The following RPH3A variants were observed in gnomAD, a reference collection of about 807,000 sequenced individuals.
The protein encoded by RPH3A is rabphilin-3A.
A neutral mutation model predicts 102.2 loss-of-function variants in RPH3A; 48 were observed. That is an observed-to-expected ratio of 0.47 (90% CI 0.37 to 0.60). The LOEUF (loss-of-function observed/expected upper bound fraction) is 0.60, where lower values mean the gene tolerates loss of function less well. RPH3A is among the 20% of genes least tolerant of loss of function. The probability of loss-of-function intolerance (pLI) is 0.00; values close to 1 mark genes in which losing one functional copy is unlikely to be tolerated. For missense variants in RPH3A, 781 were observed against 910.1 expected (o/e 0.86, Z 1.83); for synonymous variants, 310 against 324.3 (o/e 0.96, Z 0.47).
intron 5 of RPH3A, among the ~76,000 whole-genome samples, chr12:112,859,833 T>C (rs2042477166): frequency 2.0e-5 from 3 of 152,180 alleles, no homozygotes; most frequent in Non-Finnish European, 2.9e-5. Flanking sequence ...CCCCAGCTGA[T>C]CTAAATAGAC....
At chr12:112,873,483 C>T (rs1206915725) in intron 10 of RPH3A, among the ~76,000 whole-genome samples, 3 of 152,202 alleles carry the variant, frequency 2.0e-5, no homozygotes, top group African/African-American at 4.8e-5. Flanking sequence ...TCTCAGAGTC[C>T]TCCCTCACAC....
intron 1 of RPH3A, among the ~76,000 whole-genome samples, chr12:112,622,526 TG>T (rs1327423650): frequency 1.5e-5 from 2 of 137,618 alleles, no homozygotes; most frequent in Non-Finnish European, 3.1e-5. Context: ...TAAAAAGAAA[TG>T]AGCAAAGCCT....
chr12:112,592,367 G>A (rs1023611845), intron 1 of RPH3A, among the ~76,000 whole-genome samples: 1 of 152,176 alleles, frequency 6.6e-6, no homozygotes, highest in Non-Finnish European at 1.5e-5. Context: ...CACCCAGGCT[G>A]GAGTGCAGTG....
intron 1 of RPH3A, among the ~76,000 whole-genome samples, chr12:112,590,179 TTTC>T (rs959586985): frequency 2.0e-5 from 3 of 152,100 alleles, no homozygotes; most frequent in East Asian, 1.9e-4. Context: ...ATGACACTGA[TTTC>T]TTCTTCTATG....
At chr12:112,713,054 T>TCTTCTC (rs2040488402) in intron 1 of RPH3A, among the ~76,000 whole-genome samples, 1 of 63,428 alleles carries the variant, frequency 1.6e-5, no homozygotes, top group Non-Finnish European at 4.8e-5. Flanking sequence ...TTCTTCTCCT[T>TCTTCTC]CTTCTTCTTC....
At chr12:112,799,904 C>T (rs2041308688) in intron 2 of RPH3A, among the ~76,000 whole-genome samples, 1 of 152,094 alleles carries the variant, frequency 6.6e-6, no homozygotes, top group Non-Finnish European at 1.5e-5. Flanking sequence ...AACGAGTTCC[C>T]AGGCAGTGTT....
intron 16 of RPH3A, among the ~76,000 whole-genome samples, chr12:112,884,881 A>G (rs1271845684): frequency 1.3e-5 from 2 of 152,208 alleles, no homozygotes; most frequent in Non-Finnish European, 2.9e-5. Flanking sequence ...TTCTTATTGA[A>G]TGCTCCCCTG....
chr12:112,809,011 G>T (rs2041521062), intron 2 of RPH3A, among the ~76,000 whole-genome samples: 1 of 152,144 alleles, frequency 6.6e-6, no homozygotes, highest in African/African-American at 2.4e-5. Flanking sequence ...TGGGGTCCTT[G>T]CATTGACGTT....
At chr12:112,873,036 A>G (rs1245597429) in intron 10 of RPH3A, among the ~76,000 whole-genome samples, 1 of 152,170 alleles carries the variant, frequency 6.6e-6, no homozygotes, top group Non-Finnish European at 1.5e-5. Flanking sequence ...GTTTCCAAAT[A>G]TTTGGAGCAT....
chr12:112,882,001 G>A (rs1395629669), intron 15 of RPH3A, among the ~76,000 whole-genome samples, 155 bp downstream of exon 15: 2 of 152,204 alleles, frequency 1.3e-5, no homozygotes, highest in South Asian at 2.1e-4. Flanking sequence ...AGCAAGTAAA[G>A]TATGTTCCAG....
chr12:112,656,081 AGG>A (rs144183198), intron 1 of RPH3A, among the ~76,000 whole-genome samples: 2,041 of 152,288 alleles, frequency 0.013, 54 homozygotes, highest in African/African-American at 0.047. Context: ...TTGTGCACTT[AGG>A]GGCCATGATG....
At chr12:112,630,343 G>A (rs1266201785) in intron 1 of RPH3A, among the ~76,000 whole-genome samples, 2 of 152,216 alleles carry the variant, frequency 1.3e-5, no homozygotes, top group Non-Finnish European at 2.9e-5. Flanking sequence ...TTTATTGAGG[G>A]AGAGTTCTCA....
At chr12:112,780,907 A>C (rs2041003098) in intron 1 of RPH3A, among the ~76,000 whole-genome samples, 1 of 152,168 alleles carries the variant, frequency 6.6e-6, no homozygotes, top group Non-Finnish European at 1.5e-5. Context: ...AAATCCCAGC[A>C]CTTTGGGAGG....
chr12:112,593,040 C>T (rs1188098976), intron 1 of RPH3A, among the ~76,000 whole-genome samples: 1 of 152,120 alleles, frequency 6.6e-6, no homozygotes, highest in Non-Finnish European at 1.5e-5. Flanking sequence ...AAACTCCAGC[C>T]CCAACATTAT....
At chr12:112,580,545 C>T (rs550428090) in intron 1 of RPH3A, among the ~76,000 whole-genome samples, 4 of 151,612 alleles carry the variant, frequency 2.6e-5, no homozygotes, top group South Asian at 2.1e-4. Context: ...CTGGGACCAC[C>T]GGCGCCCGCC....
intron 17 of RPH3A, among the ~76,000 whole-genome samples, chr12:112,889,710 A>C (rs2043059950): frequency 6.6e-6 from 1 of 152,306 alleles, no homozygotes; most frequent in South Asian, 2.1e-4. Context: ...TGTGTGTGGA[A>C]TGCTCTGACA....
chr12:112,772,727 TATTTA>T (rs1290092607), intron 1 of RPH3A, among the ~76,000 whole-genome samples: 1 of 151,972 alleles, frequency 6.6e-6, no homozygotes, highest in Non-Finnish European at 1.5e-5. Context: ...ATTAATTAAT[TATTTA>T]ATTTATATAT....
intron 1 of RPH3A, among the ~76,000 whole-genome samples, chr12:112,692,841 G>A (rs561677417): frequency 2.0e-5 from 3 of 152,294 alleles, no homozygotes; most frequent in African/African-American, 2.4e-5. Flanking sequence ...TAGTGATTGA[G>A]TGCCTCTTGT....
chr12:112,861,198 A>G (rs2042507105), intron 5 of RPH3A, among the ~76,000 whole-genome samples: 1 of 152,214 alleles, frequency 6.6e-6, no homozygotes, highest in African/African-American at 2.4e-5. Flanking sequence ...TTTGACAACC[A>G]CCAATGCAAC....
Sources: gnomAD v4.1 joint callset for allele counts (sites outside exome capture counted in the v4.1 genomes callset) on GRCh38, gnomAD v4.1.1 for gene constraint, MANE v1.5 for transcripts, NCBI Gene and HGNC (gene_info 2026-07-23, HGNC 2026-07-21) for gene names.